The following TLL1 variants were observed in gnomAD, a reference collection of about 807,000 sequenced individuals.
The protein encoded by TLL1 is tolloid like 1, also known as tolloid-like protein 1.
In TLL1, 49 loss-of-function variants were observed where a neutral mutation model predicts 128.2. The observed-to-expected ratio is 0.38, with a 90% CI of 0.30 to 0.48. The LOEUF is 0.48. Among genes scored for constraint, TLL1 ranks in the 20% least tolerant of loss-of-function variants. The pLI is 0.96. For missense variants in TLL1, 1,123 were observed against 1,242.0 expected, an observed-to-expected ratio of 0.90 and a Z score of 1.44; for synonymous variants, 454 against 418.8, an observed-to-expected ratio of 1.08 and a Z score of -1.03.
intron 1 of TLL1, among the ~76,000 whole-genome samples, chr4:165,941,497 G>A (rs1734005619): frequency 6.6e-6 from 1 of 152,098 alleles, no homozygotes; most frequent in African/African-American, 2.4e-5. Flanking sequence ...GTTAGAGAGA[G>A]AGGACAAGCT....
intron 12 of TLL1, among the ~76,000 whole-genome samples, chr4:166,052,774 C>G (rs1739805005): frequency 6.6e-6 from 1 of 151,764 alleles, no homozygotes; most frequent in Non-Finnish European, 1.5e-5. Flanking sequence ...TTTGCCAAGA[C>G]TTTGGTTATT....
chr4:166,056,329 G>A (rs896357151), intron 13 of TLL1, among the ~76,000 whole-genome samples: 13 of 151,798 alleles, frequency 8.6e-5, no homozygotes, highest in African/African-American at 3.1e-4. Flanking sequence ...CTCACATGAG[G>A]TTATTCCTGA....
At position 165,974,133 on chromosome 4, in the gene TLL1, C is replaced by CTTTTTTTTTT. The variant is rs199741025; in HGVS notation, c.170-15232_170-15223dup. Among the ~76,000 whole-genome samples the CTTTTTTTTTT allele has an allele frequency of 3.5e-3, 213 of 60,752 alleles. 42 individuals carry two copies. Among genetic ancestry groups the CTTTTTTTTTT allele is most frequent in the Non-Finnish European group, 3.9e-3 (149 of 37,760 alleles). 39.9% of individuals were successfully genotyped at this position (60,752 alleles called of 152,430 possible). On this transcript the variant is annotated intron_variant, in intron 1 of 20. Transcript: ENST00000061240. ...CTTAGGATTAAGTCCTGGACCTCAT[C>CTTTTTTTTTT]TTTTTTTTTTTTTTTTTTTTTTTTT...
chr4:165,985,148 G>A lies in TLL1; in HGVS notation c.170-4233G>A, dbSNP rs74517159. 6.1e-4 allele frequency among the ~76,000 whole-genome samples: 92 copies of A among 152,058 alleles called. 1 individual carries two copies. In the East Asian group the frequency reaches 0.017, roughly 28 times the overall value. ...GTTGTTAGTATTTTCAAAATTAGTC[G>A]AGGAAGCCGGCTGAAAACAATTATG... On this transcript the variant is annotated intron_variant, in intron 1 of 20. Coordinates refer to ENST00000061240, the MANE Select transcript of TLL1 (RefSeq NM_012464.5).
chr4:166,085,294 T>C (rs963783926), intron 18 of TLL1, among the ~76,000 whole-genome samples: 1 of 151,710 alleles, frequency 6.6e-6, no homozygotes, highest in Non-Finnish European at 1.5e-5. Context: ...AATTGTTCTG[T>C]CTAGGACCTC....
intron 15 of TLL1, among the ~76,000 whole-genome samples, chr4:166,061,544 C>G (rs1490327492): frequency 6.6e-6 from 1 of 152,066 alleles, no homozygotes; most frequent in Non-Finnish European, 1.5e-5. Flanking sequence ...CGTGCCTGGC[C>G]TCTTTCCTTT....
At chr4:165,966,051 C>T (rs376227608) in intron 1 of TLL1, among the ~76,000 whole-genome samples, 90 of 151,652 alleles carry the variant, frequency 5.9e-4, no homozygotes, top group East Asian at 1.6e-3. Flanking sequence ...TGGTGGTGGG[C>T]GCCTGTAATC....
intron 12 of TLL1, chr4:166,044,396 G>A (rs757371691): frequency 1.4e-5 from 22 of 1,535,530 alleles, no homozygotes; most frequent in East Asian, 4.9e-5. Context: ...GGGATTGCCA[G>A]TAAAGCCAGA....
At chr4:165,996,821 T>C (rs891352543) in intron 5 of TLL1, among the ~76,000 whole-genome samples, 5 of 149,960 alleles carry the variant, frequency 3.3e-5, no homozygotes, top group Non-Finnish European at 5.9e-5. Flanking sequence ...TATATACATA[T>C]ATAGTATTAA....
chr4:165,940,695 C>A (rs550843662), intron 1 of TLL1, among the ~76,000 whole-genome samples: 4 of 152,040 alleles, frequency 2.6e-5, no homozygotes, highest in African/African-American at 9.6e-5. Flanking sequence ...ATTTTTTCCT[C>A]CTAGATATTC....
chr4:165,902,717 C>A (rs984166761), intron 1 of TLL1, among the ~76,000 whole-genome samples: 1 of 152,134 alleles, frequency 6.6e-6, no homozygotes. Flanking sequence ...TCCTATTAGG[C>A]CATCTTCCTA....
intron 8 of TLL1, among the ~76,000 whole-genome samples, chr4:166,023,232 T>C (rs1345312282): frequency 6.6e-6 from 1 of 152,128 alleles, no homozygotes; most frequent in Non-Finnish European, 1.5e-5. Flanking sequence ...AACCCCCATC[T>C]CTACTAAAAA....
At chr4:165,946,968 T>C (rs1734279662) in intron 1 of TLL1, among the ~76,000 whole-genome samples, 2 of 152,104 alleles carry the variant, frequency 1.3e-5, no homozygotes, top group South Asian at 4.1e-4. Context: ...AAGCAGAACT[T>C]TTAAGTGATG....
In TLL1 at chr4:166,100,921, A is replaced by G. The variant is rs752142431; in HGVS notation, c.*45A>G. ...ACACAAAGGAATGTGCATAATGGAG[A>G]GAAGACATATTTTTTTTAAAACTGA... On this transcript the variant is annotated 3_prime_UTR_variant, in exon 21 of 21. Transcript: ENST00000061240. The G allele has an allele frequency of 6.2e-7, 1 of 1,606,110 alleles. No homozygotes were observed. The highest frequency in any genetic ancestry group is 1.1e-5 in the South Asian group (1 of 90,108).
At chr4:166,011,369 A>C (rs1737689797) in intron 7 of TLL1, among the ~76,000 whole-genome samples, 1 of 151,196 alleles carries the variant, frequency 6.6e-6, no homozygotes, top group Non-Finnish European at 1.5e-5. Context: ...TCTTTGGTTA[A>C]GTTTTTTTCT....
intron 1 of TLL1, among the ~76,000 whole-genome samples, chr4:165,941,366 G>A (rs1173535171): frequency 2.0e-5 from 3 of 152,020 alleles, no homozygotes; most frequent in Non-Finnish European, 4.4e-5. Flanking sequence ...TCCCATTTTA[G>A]GAAAGAGTCT....
At chr4:166,083,190 G>A (rs1407583540) in intron 18 of TLL1, among the ~76,000 whole-genome samples, 2 of 65,090 alleles carry the variant, frequency 3.1e-5, no homozygotes, top group African/African-American at 6.2e-5. Context: ...TTCATGGATT[G>A]ATACCCCTTT....
intron 1 of TLL1, among the ~76,000 whole-genome samples, chr4:165,944,196 T>A (rs1317537038): frequency 6.6e-6 from 1 of 152,176 alleles, no homozygotes; most frequent in Non-Finnish European, 1.5e-5. Flanking sequence ...ATTGCTCTTT[T>A]AAGCAACAGA....
At chr4:165,999,277 A>C (rs9996724) in intron 5 of TLL1, among the ~76,000 whole-genome samples, 11,299 of 152,248 alleles carry the variant, frequency 0.074, 1,149 homozygotes, top group African/African-American at 0.23. Flanking sequence ...CACTGCTATA[A>C]AGAACTACCT....
Sources: allele counts gnomAD v4.1 joint callset (sites outside exome capture counted in the v4.1 genomes callset), GRCh38; gene constraint gnomAD v4.1.1; transcripts MANE v1.5; gene names NCBI Gene and HGNC (gene_info 2026-07-23, HGNC 2026-07-21).